The following KIAA1671 variants were observed in gnomAD, a reference collection of about 807,000 sequenced individuals.
The protein encoded by KIAA1671 is uncharacterized protein KIAA1671.
In KIAA1671, 52 loss-of-function variants were observed where a neutral mutation model predicts 131.2. That is an observed-to-expected ratio of 0.40 (90% CI 0.32 to 0.50). The LOEUF (loss-of-function observed/expected upper bound fraction) is 0.50. Ranked by LOEUF, KIAA1671 falls within the 20% of genes least tolerant of loss-of-function variation. The pLI is 0.73. For synonymous variants in KIAA1671, 1,003 were observed against 961.6 expected, an observed-to-expected ratio of 1.04 and a Z score of -0.80; for missense variants, 2,360 against 2,364.2, an observed-to-expected ratio of 1.00 and a Z score of 0.04.
chr22:25,135,853 T>C (rs527268619), intron 6 of KIAA1671, among the ~76,000 whole-genome samples: 1 of 152,344 alleles, frequency 6.6e-6, no homozygotes, highest in African/African-American at 2.4e-5. Context: ...CTGACGTGCA[T>C]TGAGCGCTTA....
chr22:24,962,771 G>GATGAGA (rs1346074266), intron 1 of KIAA1671, among the ~76,000 whole-genome samples: 1 of 152,146 alleles, frequency 6.6e-6, no homozygotes, highest in Non-Finnish European at 1.5e-5. Context: ...GGAAAAGAAT[G>GATGAGA]ATGAGAAGCA....
rs895297672 is a variant in KIAA1671 at position 25,016,515 on chromosome 22, G to C, written c.-207-9118G>C. ...ATTTAGCAAACCTGCTCAACCTCTT[G>C]TGTCTGAGGCCCAGACTAAGGCAGG... is the stretch of plus-strand genomic sequence containing the variant. On this transcript the variant is annotated intron_variant, in intron 1 of 12. Coordinates refer to ENST00000358431, the MANE Select transcript of KIAA1671 (RefSeq NM_001145206.2). Among the ~76,000 whole-genome samples the C allele has an allele frequency of 8.9e-4, 136 of 152,186 alleles. 5 individuals are homozygous for C. The highest frequency in any genetic ancestry group is 2.9e-4 in the Non-Finnish European group (20 of 68,036).
At position 25,041,078 on chromosome 22, in the gene KIAA1671, G is replaced by T; in HGVS notation, c.3948G>T (p.Ala1316=). 1 of 1,538,320 alleles carries T rather than the reference G, an allele frequency of 6.5e-7. No homozygotes were observed. The highest frequency in any genetic ancestry group is 8.8e-7 in the Non-Finnish European group (1 of 1,140,316). The part of the protein sequence containing the change: ...ERYPGGSPIP[A]DPRKKTGFAE... ...ATCCAGGGGGCTCTCCTATACCTGC[G>T]GATCCCAGGAAAAAAACGGGGTTTG... is the stretch of plus-strand genomic sequence containing the variant. The change falls in exon 5 of 13, where the codon GCG becomes GCT. Residue 1316 remains alanine (A), a synonymous_variant. Coordinates refer to ENST00000358431, the MANE Select transcript of KIAA1671 (RefSeq NM_001145206.2).
intron 6 of KIAA1671, among the ~76,000 whole-genome samples, chr22:25,109,390 G>A (rs185913445): frequency 1.2e-4 from 18 of 152,204 alleles, no homozygotes; most frequent in Non-Finnish European, 8.8e-5. Flanking sequence ...TTACAGACAT[G>A]AGCCGCCGCA....
At chr22:25,044,633 C>A (rs905788034) in intron 5 of KIAA1671, among the ~76,000 whole-genome samples, 7 of 63,516 alleles carry the variant, frequency 1.1e-4, no homozygotes, top group African/African-American at 1.1e-3. Context: ...GTTCTTTGAT[C>A]TTAAAAAAAA....
rs1926773220 is a variant in KIAA1671 at position 25,039,090 on chromosome 22, A to T, written c.1960A>T (p.Met654Leu). Residue 654 changes from methionine to leucine, a missense_variant, in exon 5 of 13, where the codon ATG becomes TTG. Transcript: ENST00000358431. ...RVSEPRPRPE[M>L]GSWLGRDPPD... is the part of the protein sequence containing the mutation. Reference sequence around the variant, plus strand: ...CTCAGAACCCAGGCCGAGGCCTGAGATGGGCTCTTGGCTGGGCAGGGACCC... The same window carrying T: ...CTCAGAACCCAGGCCGAGGCCTGAGTTGGGCTCTTGGCTGGGCAGGGACCC... 3 of 1,551,558 alleles carry T rather than the reference A, an allele frequency of 1.9e-6. No individual in the cohort carries two copies. Among genetic ancestry groups the T allele is most frequent in the Admixed American group, 3.9e-5 (2 of 50,992 alleles).
At chr22:24,997,151 C>A (rs1166292288) in intron 1 of KIAA1671, among the ~76,000 whole-genome samples, 3 of 152,192 alleles carry the variant, frequency 2.0e-5, no homozygotes, top group African/African-American at 7.2e-5. Context: ...AAAAGGATCT[C>A]TGCCTTCAGG....
intron 6 of KIAA1671, among the ~76,000 whole-genome samples, chr22:25,107,411 C>T (rs1931069291): frequency 7.1e-6 from 1 of 141,074 alleles, no homozygotes; most frequent in Admixed American, 7.5e-5. Flanking sequence ...AGTGAGACTT[C>T]GTCTCAAAAA....
intron 9 of KIAA1671, among the ~76,000 whole-genome samples, chr22:25,180,144 C>G (rs1934215965): frequency 6.9e-6 from 1 of 144,262 alleles, no homozygotes; most frequent in African/African-American, 2.5e-5. Flanking sequence ...CTGGGAATAG[C>G]AGGATATGCT....
intron 1 of KIAA1671, among the ~76,000 whole-genome samples, chr22:24,974,625 C>T (rs1303648952): frequency 1.3e-5 from 2 of 149,530 alleles, no homozygotes; most frequent in East Asian, 3.9e-4. Context: ...TTCTTGAACT[C>T]TTCTGTCTTT....
chr22:25,040,811 G>A lies in KIAA1671; in HGVS notation c.3681G>A (p.Val1227=). 1 of 1,551,732 alleles carries A rather than the reference G, an allele frequency of 6.4e-7. No individual in the cohort carries two copies. Among genetic ancestry groups the A allele is most frequent in the Non-Finnish European group, 8.7e-7 (1 of 1,147,022 alleles). Residue 1227 remains valine (V), a synonymous_variant, in exon 5 of 13, where the codon GTG becomes GTA. Coordinates refer to ENST00000358431, the MANE Select transcript of KIAA1671 (RefSeq NM_001145206.2). The part of the protein sequence containing the change: ...GEAQERRSPT[V]EPSTLPRERP... ...CTCAGGAGAGGAGGAGTCCCACCGT[G>A]GAGCCCAGTACGTTGCCTCGGGAGA...
intron 6 of KIAA1671, chr22:25,102,918 C>T (rs759959688): frequency 3.3e-5 from 5 of 152,594 alleles, no homozygotes; most frequent in Admixed American, 2.6e-4. Context: ...TGTTGCTCCA[C>T]CTGAAAGAGA....
At chr22:25,047,469 T>C (rs1927309131) in intron 5 of KIAA1671, among the ~76,000 whole-genome samples, 1 of 132,962 alleles carries the variant, frequency 7.5e-6, no homozygotes, top group Non-Finnish European at 1.6e-5. Context: ...CTCTTTTCCT[T>C]TTTTTTTTTT....
chr22:25,007,497 A>G (rs9620479), intron 1 of KIAA1671, among the ~76,000 whole-genome samples: 27,951 of 140,590 alleles, frequency 0.2, 2,997 homozygotes, highest in Middle Eastern at 0.3. Flanking sequence ...AAAGCAAGGG[A>G]AAAAAAAAAA....
chr22:25,049,722 A>G (rs1201111267), intron 6 of KIAA1671: 1 of 185,204 alleles, frequency 5.4e-6, no homozygotes, highest in Non-Finnish European at 1.1e-5. Context: ...ATTTCGCTGC[A>G]CTTCAGTTTC....
intron 1 of KIAA1671, among the ~76,000 whole-genome samples, chr22:25,022,027 G>A (rs1925699700): frequency 1.3e-5 from 2 of 152,152 alleles, no homozygotes; most frequent in African/African-American, 4.8e-5. Context: ...GCTCGCCTCA[G>A]CCTCCCAAAG....
chr22:25,098,635 G>C (rs1160975986), intron 6 of KIAA1671, among the ~76,000 whole-genome samples: 2 of 151,326 alleles, frequency 1.3e-5, no homozygotes, highest in East Asian at 3.9e-4. Flanking sequence ...AGGGGGCGGG[G>C]GGGGGTTTGC....
At chr22:24,979,968 T>C (rs1017890927) in intron 1 of KIAA1671, among the ~76,000 whole-genome samples, 3 of 149,942 alleles carry the variant, frequency 2.0e-5, no homozygotes, top group South Asian at 2.1e-4. Flanking sequence ...TCCCTTCTCT[T>C]TTTTTTTTTT....
intron 9 of KIAA1671, chr22:25,179,278 T>C (rs558035436): frequency 1.3e-5 from 20 of 1,559,650 alleles, no homozygotes; most frequent in East Asian, 9.6e-5. Flanking sequence ...ACGTGTTCTC[T>C]CGCAGGATGG....
Sources: gnomAD v4.1 joint callset for allele counts (sites outside exome capture counted in the v4.1 genomes callset) on GRCh38, gnomAD v4.1.1 for gene constraint, MANE v1.5 for transcripts, NCBI Gene and HGNC (gene_info 2026-07-23, HGNC 2026-07-21) for gene names.